TMC1: variants seen among roughly 807,000 people sequenced by gnomAD.
TMC1 encodes transmembrane channel like 1.
TMC1 carries 84 observed loss-of-function variants against 105.8 expected under a neutral mutation model. That is an observed-to-expected ratio of 0.79 (90% CI 0.67 to 0.95). TMC1 has a LOEUF of 0.95. Ranked by LOEUF, TMC1 falls within the 40% of genes least tolerant of loss-of-function variation. The pLI, the probability that TMC1 is intolerant of heterozygous loss-of-function variation, is 0.00. For missense variants in TMC1, 817 were observed against 914.1 expected, an observed-to-expected ratio of 0.89 and a Z score of 1.37; for synonymous variants, 315 against 311.5, an observed-to-expected ratio of 1.01 and a Z score of -0.12.
intron 1 of TMC1, among the ~76,000 whole-genome samples, chr9:72,542,906 C>G (rs941986603): frequency 6.6e-6 from 1 of 152,092 alleles, no homozygotes; most frequent in Non-Finnish European, 1.5e-5. Flanking sequence ...GTCTCGAACT[C>G]CTGACCTCAT....
rs778293772 is a variant in TMC1 at position 72,754,881 on chromosome 9, C to G, written c.738C>G (p.Phe246Leu). 3 of 1,611,618 alleles carry G rather than the reference C, an allele frequency of 1.9e-6. No individual in the cohort carries two copies. Among genetic ancestry groups the G allele is most frequent in the Non-Finnish European group, 2.5e-6 (3 of 1,177,774 alleles). ...CAAACTTTGGTGTGTTGTACGACTT[C>G]AATGTAAGTGTCTCCACACAAGTGT... ...SAANFGVLYDFNGLAQYSVLF... is the reference protein window; with the variant it reads ...SAANFGVLYDLNGLAQYSVLF... Residue 246 changes from phenylalanine (F) to leucine (L), a missense_variant, in exon 12 of 24, where the codon TTC becomes TTG. Coordinates refer to ENST00000297784, the MANE Select transcript of TMC1 (RefSeq NM_138691.3).
intron 18 of TMC1, among the ~76,000 whole-genome samples, chr9:72,807,006 A>C (rs1431566604): frequency 3.9e-5 from 6 of 152,226 alleles, no homozygotes. Context: ...CTCCGTCTGC[A>C]ATCCCGGCAC....
At chr9:72,558,168 TTCTCTCTC>T (rs968870403) in intron 1 of TMC1, among the ~76,000 whole-genome samples, 1 of 150,660 alleles carries the variant, frequency 6.6e-6, no homozygotes, top group Admixed American at 6.6e-5. Context: ...CTTTCTCTCT[TTCTCTCTC>T]TCTCTCTCTT....
intron 1 of TMC1, among the ~76,000 whole-genome samples, chr9:72,545,330 T>TA (rs1554710281): frequency 0.13 from 19,944 of 150,800 alleles, 1,397 homozygotes; most frequent in Non-Finnish European, 0.17. Flanking sequence ...ATGTTTTTTT[T>TA]AAAAAAAAAC....
At position 72,806,222 on chromosome 9, in the gene TMC1, G is replaced by T. The variant is rs1170047893; in HGVS notation, c.1695+712G>T. Among the ~76,000 whole-genome samples, 108 of 131,852 alleles carry T rather than the reference G, an allele frequency of 8.2e-4. 1 individual carries two copies. Among genetic ancestry groups the T allele is most frequent in the African/African-American group, 2.0e-3 (81 of 39,548 alleles). 86.5% of individuals were successfully genotyped at this position (131,852 alleles called of 152,430 possible). A position where few individuals can be genotyped will look rare whatever the true frequency, so the allele number is the denominator to read the frequency against. ...GACGGGGCGGCTGGCCGGGCAGGGG[G>T]CTGACCACCCCACCTCCCTCCCGGA... On this transcript the variant is annotated intron_variant, in intron 18 of 23. Transcript: ENST00000297784.
chr9:72,655,810 T>C, intron 5 of TMC1: 1 of 641,110 alleles, frequency 1.6e-6, no homozygotes, highest in African/African-American at 1.8e-5. Flanking sequence ...CAACTGGTAA[T>C]TAATTTATTA....
chr9:72,650,704 T>C (rs1327692856), intron 5 of TMC1, among the ~76,000 whole-genome samples: 1 of 151,380 alleles, frequency 6.6e-6, no homozygotes, highest in African/African-American at 2.4e-5. Flanking sequence ...TCCTTCTTTG[T>C]TTTCATAAGT....
chr9:72,716,675 C>T (rs1393104713), intron 8 of TMC1, among the ~76,000 whole-genome samples: 1 of 152,176 alleles, frequency 6.6e-6, no homozygotes, highest in Non-Finnish European at 1.5e-5. Context: ...GAATTTCAAG[C>T]CAGTGGATCT....
At chr9:72,608,484 C>A (rs776933105) in intron 2 of TMC1, among the ~76,000 whole-genome samples, 10 of 152,046 alleles carry the variant, frequency 6.6e-5, no homozygotes, top group Non-Finnish European at 5.9e-5. Context: ...AGGTGGACAG[C>A]TCACTTGAGG....
At chr9:72,683,731 TTTTATATATATATATATATA>T (rs1554720542) in intron 5 of TMC1, among the ~76,000 whole-genome samples, 6,889 of 49,602 alleles carry the variant, frequency 0.14, 613 homozygotes, top group Middle Eastern at 0.3. Flanking sequence ...GAGTTACACA[TTTTATATATATATATATATA>T]TATATATATA....
intron 2 of TMC1, among the ~76,000 whole-genome samples, chr9:72,588,845 G>A (rs548254795): frequency 6.7e-6 from 1 of 150,156 alleles, no homozygotes; most frequent in South Asian, 2.1e-4. Flanking sequence ...GCGTGATCTC[G>A]GCTCACCACG....
intron 13 of TMC1, among the ~76,000 whole-genome samples, chr9:72,779,686 A>G (rs929600592): frequency 1.3e-5 from 2 of 152,220 alleles, no homozygotes; most frequent in Non-Finnish European, 2.9e-5. Flanking sequence ...TGGTTCTTCA[A>G]ATTGACTCAG....
At chr9:72,585,572 A>G (rs1158933991) in intron 2 of TMC1, among the ~76,000 whole-genome samples, 1 of 152,244 alleles carries the variant, frequency 6.6e-6, no homozygotes, top group East Asian at 1.9e-4. Flanking sequence ...TTTTCCCACA[A>G]AGAGAGGTCA....
At chr9:72,570,114 G>C (rs1328134534) in intron 1 of TMC1, among the ~76,000 whole-genome samples, 2 of 152,100 alleles carry the variant, frequency 1.3e-5, no homozygotes, top group Non-Finnish European at 2.9e-5. Context: ...AATGGCAGCT[G>C]GTGTTGCATA....
intron 17 of TMC1, among the ~76,000 whole-genome samples, chr9:72,801,254 C>T (rs1828465660): frequency 6.6e-6 from 1 of 152,194 alleles, no homozygotes; most frequent in Non-Finnish European, 1.5e-5. Context: ...AAGCTATATC[C>T]TGAGGTCTTC....
chr9:72,580,557 AGTGTGT>A (rs112783067), intron 2 of TMC1, among the ~76,000 whole-genome samples: 6 of 150,200 alleles, frequency 4.0e-5, no homozygotes, highest in East Asian at 2.0e-4. Context: ...ACAGTGAAGC[AGTGTGT>A]GTGTGTGTGT....
At chr9:72,790,271 C>A (rs910489630) in intron 15 of TMC1, among the ~76,000 whole-genome samples, 1 of 152,126 alleles carries the variant, frequency 6.6e-6, no homozygotes, top group Non-Finnish European at 1.5e-5. Flanking sequence ...TCTAAAAAAT[C>A]TTGGACAGCA....
intron 5 of TMC1, among the ~76,000 whole-genome samples, chr9:72,683,771 A>ATATATATATATATATATG: frequency 1.5e-5 from 2 of 134,268 alleles, no homozygotes; most frequent in East Asian, 4.4e-4. Context: ...ATATATATAT[A>ATATATATATATATATATG]TATGTTAAAA....
At chr9:72,671,277 G>A (rs575094053) in intron 5 of TMC1, among the ~76,000 whole-genome samples, 6 of 152,282 alleles carry the variant, frequency 3.9e-5, no homozygotes, top group South Asian at 2.1e-4. Flanking sequence ...TGAGAGACAA[G>A]GATGTTTCTT....
Sources: gnomAD v4.1 joint callset for allele counts (sites outside exome capture counted in the v4.1 genomes callset) on GRCh38, gnomAD v4.1.1 for gene constraint, MANE v1.5 for transcripts, NCBI Gene and HGNC (gene_info 2026-07-23, HGNC 2026-07-21) for gene names.